Variants in ELOVL6 observed in about 807,000 individuals in gnomAD.
ELOVL6 encodes very long chain fatty acid elongase 6.
In ELOVL6, 8 loss-of-function variants were observed where a neutral mutation model predicts 31.7. The observed-to-expected ratio is 0.25, with a 90% CI of 0.15 to 0.45. The LOEUF (loss-of-function observed/expected upper bound fraction) is 0.45, where lower values mean the gene tolerates loss of function less well. Ranked by LOEUF, ELOVL6 falls within the 20% of genes least tolerant of loss-of-function variation. The pLI is 1.00. For synonymous variants in ELOVL6, 101 were observed against 117.7 expected, an observed-to-expected ratio of 0.86 and a Z score of 0.92; for missense variants, 126 against 326.4, an observed-to-expected ratio of 0.39 and a Z score of 4.73.
At chr4:110,181,091 T>C (rs929997068) in intron 1 of ELOVL6, among the ~76,000 whole-genome samples, 2 of 151,720 alleles carry the variant, frequency 1.3e-5, no homozygotes, top group Non-Finnish European at 2.9e-5. Flanking sequence ...TGAGCTATGA[T>C]TGTGCCACTA....
At chr4:110,138,656 A>C (rs1757872465) in intron 1 of ELOVL6, among the ~76,000 whole-genome samples, 1 of 151,586 alleles carries the variant, frequency 6.6e-6, no homozygotes, top group Non-Finnish European at 1.5e-5. Flanking sequence ...GAAAGTGCAT[A>C]CTGGAAAGCC....
chr4:110,198,133 G>A (rs1759874682), intron 1 of ELOVL6, 114 bp downstream of exon 1: 1 of 733,824 alleles, frequency 1.4e-6, no homozygotes, highest in Admixed American at 1.8e-5. Context: ...CGATCAGCTG[G>A]CTGCCCGCGA....
At chr4:110,184,126 G>A (rs1170715501) in intron 1 of ELOVL6, among the ~76,000 whole-genome samples, 1 of 152,136 alleles carries the variant, frequency 6.6e-6, no homozygotes. Context: ...AAATGCCTAT[G>A]TTTTCTTCTT....
At chr4:110,096,164 CTG>C (rs928201798) in intron 2 of ELOVL6, among the ~76,000 whole-genome samples, 9 of 152,070 alleles carry the variant, frequency 5.9e-5, no homozygotes, top group Non-Finnish European at 1.5e-5. Context: ...AATAGAATAA[CTG>C]TTTTATTTAT....
At chr4:110,113,105 G>A (rs755715279) in intron 1 of ELOVL6, among the ~76,000 whole-genome samples, 1 of 151,426 alleles carries the variant, frequency 6.6e-6, no homozygotes. Context: ...GCAGGCGCCT[G>A]TAATCCCAGC....
At chr4:110,077,207 T>TA (rs1171954661) in intron 2 of ELOVL6, among the ~76,000 whole-genome samples, 1 of 152,100 alleles carries the variant, frequency 6.6e-6, no homozygotes, top group Non-Finnish European at 1.5e-5. Context: ...TCTGCAGACT[T>TA]AAATGTCCCT....
chr4:110,118,889 A>C (rs1332138068), intron 1 of ELOVL6, among the ~76,000 whole-genome samples: 1 of 152,158 alleles, frequency 6.6e-6, no homozygotes, highest in Non-Finnish European at 1.5e-5. Context: ...CAACATGGCC[A>C]AACCCCTTCT....
chr4:110,190,769 C>A (rs535890688), intron 1 of ELOVL6, among the ~76,000 whole-genome samples: 5 of 150,074 alleles, frequency 3.3e-5, no homozygotes, highest in Admixed American at 2.7e-4. Flanking sequence ...CCTCCCACAG[C>A]GCTGGGATTA....
chr4:110,196,367 A>AC (rs1240771462), intron 1 of ELOVL6, among the ~76,000 whole-genome samples: 4 of 151,954 alleles, frequency 2.6e-5, no homozygotes, highest in African/African-American at 9.7e-5. Context: ...TGCGGAGAAG[A>AC]CCCGGGCCCG....
Position 110,084,344 on chromosome 4 carries a change from G to GATATATATCGC in ELOVL6, c.221+21152_221+21153insGCGATATATAT, listed in dbSNP as rs1391288676. The stretch of plus-strand genomic sequence containing the variant: ...TAAATTTGATATATATCACATATAT[G>GATATATATCGC]ATATATGATATATACCGCATATATG... On this transcript the variant is annotated intron_variant, in intron 2 of 3. Transcript: ENST00000302274. Among the ~76,000 whole-genome samples the GATATATATCGC allele has an allele frequency of 5.1e-3, 446 of 88,266 alleles. 4 individuals carry two copies. Among genetic ancestry groups the GATATATATCGC allele is most frequent in the African/African-American group, 0.01 (247 of 23,916 alleles). 57.9% of individuals were successfully genotyped at this position (88,266 alleles called of 152,430 possible).
chr4:110,144,385 A>G (rs148032890), intron 1 of ELOVL6, among the ~76,000 whole-genome samples: 2 of 152,242 alleles, frequency 1.3e-5, no homozygotes, highest in African/African-American at 4.8e-5. Context: ...AAACGACCCC[A>G]TGCTTACAGT....
chr4:110,190,331 C>G (rs148554974), intron 1 of ELOVL6, among the ~76,000 whole-genome samples: 1 of 152,066 alleles, frequency 6.6e-6, no homozygotes, highest in Non-Finnish European at 1.5e-5. Context: ...AAAGGGTTTC[C>G]TAGTAATAGG....
At chr4:110,100,823 T>C (rs998655154) in intron 2 of ELOVL6, among the ~76,000 whole-genome samples, 1 of 152,224 alleles carries the variant, frequency 6.6e-6, no homozygotes, top group African/African-American at 2.4e-5. Flanking sequence ...GGCCATCACC[T>C]CATTGCAGAC....
rs147551226 is a variant in ELOVL6 at position 110,072,624 on chromosome 4, G to A, written c.222-12870C>T. On this transcript the variant is annotated intron_variant, in intron 2 of 3. Coordinates refer to ENST00000302274, the MANE Select transcript of ELOVL6 (RefSeq NM_024090.3). ...TGTGCCACACTGGCAACAGTTGGCAGTGACTATGTTGCCGAGTTCATCTGC... is the reference window on the plus strand; with the variant it reads ...TGTGCCACACTGGCAACAGTTGGCAATGACTATGTTGCCGAGTTCATCTGC... Among the ~76,000 whole-genome samples, 1,341 of 152,054 alleles carry A rather than the reference G, an allele frequency of 8.8e-3. 17 individuals carry two copies. Among genetic ancestry groups the A allele is most frequent in the African/African-American group, 0.031 (1,277 of 41,464 alleles).
rs1329200734 is a variant in ELOVL6 at position 110,128,444 on chromosome 4, T to C, written c.90-22816A>G. 2.0e-5 allele frequency among the ~76,000 whole-genome samples: 3 copies of C among 152,196 alleles called. No individual in the cohort carries two copies. In the East Asian group the frequency reaches 5.8e-4, roughly 29 times the overall value. On this transcript the variant is annotated intron_variant, in intron 1 of 3. Coordinates refer to ENST00000302274, the MANE Select transcript of ELOVL6 (RefSeq NM_024090.3). ...TGGATTTGTGATATATAAAGATCAC[T>C]CACTGATGAAATGAAAGCTGGAGCT...
At chr4:110,061,548 G>GTTTTTTTT (rs778616602) in intron 2 of ELOVL6, among the ~76,000 whole-genome samples, 2 of 85,738 alleles carry the variant, frequency 2.3e-5, no homozygotes, top group Admixed American at 1.5e-4. Flanking sequence ...CCAAATGATG[G>GTTTTTTTT]CTTTTTTTTT....
Position 110,181,150 on chromosome 4 carries a change from A to T in ELOVL6, c.89+17097T>A, listed in dbSNP as rs372266862. On this transcript the variant is annotated intron_variant, in intron 1 of 3. Transcript: ENST00000302274. ...AAGACCCAGTCTCAAAAAAAAAAAA[A>T]TTAAATTAAATTAAGGCCGGGCGCA... Among the ~76,000 whole-genome samples, 67 of 151,698 alleles carry T rather than the reference A, an allele frequency of 4.4e-4. 1 individual carries two copies. The East Asian group carries it at 8.5e-3, about 19-fold the overall frequency.
chr4:110,148,761 T>A (rs1251804369), intron 1 of ELOVL6, among the ~76,000 whole-genome samples: 1 of 150,602 alleles, frequency 6.6e-6, no homozygotes, highest in Non-Finnish European at 1.5e-5. Flanking sequence ...TATATACACT[T>A]ACTGTGTACC....
At chr4:110,057,457 AAGAT>A (rs1353697402) in intron 3 of ELOVL6, among the ~76,000 whole-genome samples, 1 of 152,152 alleles carries the variant, frequency 6.6e-6, no homozygotes, top group East Asian at 1.9e-4. Context: ...TTTGTCAAAA[AAGAT>A]AGGGGATTAA....
Sources: gnomAD v4.1 joint callset for allele counts (sites outside exome capture counted in the v4.1 genomes callset) on GRCh38, gnomAD v4.1.1 for gene constraint, MANE v1.5 for transcripts, NCBI Gene and HGNC (gene_info 2026-07-23, HGNC 2026-07-21) for gene names.